Variants in PTPRS observed in about 807,000 individuals in gnomAD.
The protein encoded by PTPRS is receptor-type tyrosine-protein phosphatase S.
In PTPRS, 63 loss-of-function variants were observed where a neutral mutation model predicts 215.3. The observed-to-expected ratio is 0.29, with a 90% CI of 0.24 to 0.36. PTPRS has a LOEUF of 0.36. Among genes scored for constraint, PTPRS ranks in the 10% least tolerant of loss-of-function variants. The pLI, the probability that PTPRS is intolerant of heterozygous loss-of-function variation, is 1.00. For synonymous variants in PTPRS, 1,404 were observed against 1,191.4 expected, an observed-to-expected ratio of 1.18 and a Z score of -3.68; for missense variants, 2,258 against 2,825.8, an observed-to-expected ratio of 0.80 and a Z score of 4.56.
Position 5,218,549 on chromosome 19 carries a change from C to A in PTPRS, c.3936-17G>T, listed in dbSNP as rs112027042. The A allele has an allele frequency of 5.8e-5, 94 of 1,610,054 alleles. No individual in the cohort carries two copies. The East Asian group carries it at 2.0e-3, about 34-fold the overall frequency. On this transcript the variant is annotated splice_polypyrimidine_tract_variant and intron_variant, in intron 24 of 37. Transcript: ENST00000262963. Reference sequence around the variant, plus strand: ...TTGCGTTTACTTTAGGAGAAGCAAGCGGAACAGTCCAGTTAGTAGTGGCAC... The same window carrying A: ...TTGCGTTTACTTTAGGAGAAGCAAGAGGAACAGTCCAGTTAGTAGTGGCAC...
intron 2 of PTPRS, among the ~76,000 whole-genome samples, chr19:5,275,568 G>A (rs942571541): frequency 2.0e-5 from 3 of 150,936 alleles, no homozygotes; most frequent in Non-Finnish European, 4.4e-5. Context: ...CACTTTGGGA[G>A]GCTGAGGCCG....
intron 1 of PTPRS, among the ~76,000 whole-genome samples, chr19:5,323,558 G>A (rs1240669600): frequency 6.6e-6 from 1 of 152,258 alleles, no homozygotes; most frequent in Admixed American, 6.5e-5. Context: ...AGCATTCCAG[G>A]CAGAGGGCAC....
chr19:5,331,105 G>C (rs1394855609), intron 1 of PTPRS, among the ~76,000 whole-genome samples: 1 of 134,284 alleles, frequency 7.4e-6, no homozygotes, highest in East Asian at 2.1e-4. Context: ...TGGGTCTTCA[G>C]CATAAGTCAG....
At chr19:5,335,771 C>T (rs1458644295) in intron 1 of PTPRS, among the ~76,000 whole-genome samples, 1 of 152,146 alleles carries the variant, frequency 6.6e-6, no homozygotes, top group African/African-American at 2.4e-5. Flanking sequence ...AAAATCCAGG[C>T]TCTGAACCCC....
chr19:5,257,781 C>T lies in PTPRS; in HGVS notation c.706+236G>A, dbSNP rs934656708. Among the ~76,000 whole-genome samples the T allele has an allele frequency of 2.6e-5, 4 of 152,218 alleles. No individual in the cohort carries two copies. The highest frequency in any genetic ancestry group is 4.8e-5 in the African/African-American group (2 of 41,456). ...CTGCCTCCCCAGAGCCTGCTGCCCA[C>T]GGGGCATCTCTCGCAAGGCACGAGG... is the stretch of plus-strand genomic sequence containing the variant. On this transcript the variant is annotated intron_variant, in intron 8 of 37. Transcript: ENST00000262963. The surrounding 1 kb of genome is among the most constrained non-coding windows in gnomAD (Gnocchi z 4.4).
rs1259398933 is a variant in PTPRS, at chr19:5,212,322, G to A, written c.4769+15C>T. The A allele has an allele frequency of 3.1e-6, 5 of 1,613,056 alleles. No individual in the cohort carries two copies. The highest frequency in any genetic ancestry group is 4.2e-6 in the Non-Finnish European group (5 of 1,179,518). On this transcript the variant is annotated intron_variant, in intron 31 of 37. Coordinates refer to ENST00000262963, the MANE Select transcript of PTPRS (RefSeq NM_002850.4). ...ACCGGGGGGAAGCGGATGGGGCAGA[G>A]TGGGGTGGACGTACCTGCAGTGAAC...
intron 2 of PTPRS, among the ~76,000 whole-genome samples, chr19:5,283,382 G>T (rs2048039385): frequency 6.6e-6 from 1 of 152,192 alleles, no homozygotes. Flanking sequence ...TTCGAGACCA[G>T]CCTGGCCAAT....
intron 3 of PTPRS, 114 bp from the exon 4 acceptor site, chr19:5,273,697 G>A: frequency 7.8e-7 from 1 of 1,281,592 alleles, no homozygotes; most frequent in Middle Eastern, 2.3e-4. Context: ...CATGATCCTG[G>A]GGGTGACTGG....
At chr19:5,246,901 G>GAC (rs557085221) in intron 9 of PTPRS, among the ~76,000 whole-genome samples, 12 of 151,740 alleles carry the variant, frequency 7.9e-5, no homozygotes, top group African/African-American at 2.4e-4. Flanking sequence ...GAGAGAGAGA[G>GAC]AGAAAGAGAG....
chr19:5,300,698 G>T (rs1242758542), intron 1 of PTPRS, among the ~76,000 whole-genome samples: 1 of 148,928 alleles, frequency 6.7e-6, no homozygotes, highest in Non-Finnish European at 1.5e-5. Context: ...AGCCCAAGAG[G>T]CAGAGGTTGC....
At chr19:5,276,627 G>A (rs2047391362) in intron 2 of PTPRS, among the ~76,000 whole-genome samples, 1 of 151,576 alleles carries the variant, frequency 6.6e-6, no homozygotes, top group Admixed American at 6.6e-5. Context: ...TTCAAGCTCC[G>A]CCTCCCAGGT....
chr19:5,290,416 C>T (rs984724403), intron 1 of PTPRS, among the ~76,000 whole-genome samples: 6 of 152,218 alleles, frequency 3.9e-5, no homozygotes, highest in Admixed American at 1.3e-4. Context: ...TGGGGGCTCC[C>T]CCGCGGTGCT....
chr19:5,252,873 C>CAAAAAAA (rs769636796), intron 9 of PTPRS, among the ~76,000 whole-genome samples: 22 of 45,616 alleles, frequency 4.8e-4, no homozygotes, highest in Admixed American at 1.2e-3. Context: ...AACTCCATCT[C>CAAAAAAA]AAAAAAAAAA....
chr19:5,303,954 A>AAAAAAAAAAAAAATAATAATAATAAT, intron 1 of PTPRS, among the ~76,000 whole-genome samples: 20 of 132,252 alleles, frequency 1.5e-4, no homozygotes, highest in African/African-American at 6.1e-4. Context: ...CTGTCTCAAA[A>AAAAAAAAAAAAAATAATAATAATAAT]AATAATAATA....
chr19:5,238,106 G>A (rs747860903), intron 13 of PTPRS, among the ~76,000 whole-genome samples: 69 of 152,302 alleles, frequency 4.5e-4, no homozygotes, highest in Non-Finnish European at 8.4e-4. Context: ...AGACCACGCC[G>A]GTGGAGGCCA....
At position 5,234,287 on chromosome 19, in the gene PTPRS, A is replaced by G. The variant is rs2043255996; in HGVS notation, c.1850-2672T>C. ...TTGGCCTCACTTGAAAATAATGCCC[A>G]TGTCTTGAGCACCTACTGTGTGCCA... On this transcript the variant is annotated intron_variant, in intron 13 of 37. Transcript: ENST00000262963. Among the ~76,000 whole-genome samples the G allele has an allele frequency of 2.0e-5, 3 of 152,312 alleles. No homozygotes were observed. The South Asian group carries it at 6.2e-4, about 32-fold the overall frequency.
At chr19:5,229,444 T>A in intron 15 of PTPRS, 47 bp downstream of exon 15, 7 of 1,372,480 alleles carry the variant, frequency 5.1e-6, no homozygotes, top group Non-Finnish European at 6.6e-6. Context: ...CAAGGGCCCG[T>A]CCCCGCCCGG....
At position 5,243,841 on chromosome 19, in the gene PTPRS, G is replaced by A; in HGVS notation, c.1570+60C>T. The A allele has an allele frequency of 2.2e-6, 3 of 1,340,530 alleles. No individual in the cohort carries two copies. In the South Asian group the frequency reaches 4.6e-5, roughly 20 times the overall value. 83.0% of individuals were successfully genotyped at this position (1,340,530 alleles called of 1,614,324 possible). A position where few individuals can be genotyped will look rare whatever the true frequency, so the allele number is the denominator to read the frequency against. On this transcript the variant is annotated intron_variant, in intron 11 of 37. Coordinates refer to ENST00000262963, the MANE Select transcript of PTPRS (RefSeq NM_002850.4). Reference sequence around the variant, plus strand: ...CAAACCGCTCTGCGGCTTCCAGGGAGCATGCAAAGAACCAAGCCGCACGGC... The same window carrying A: ...CAAACCGCTCTGCGGCTTCCAGGGAACATGCAAAGAACCAAGCCGCACGGC...
intron 11 of PTPRS, 41 bp downstream of exon 11, chr19:5,243,860 G>A (rs753639643): frequency 1.4e-5 from 20 of 1,425,130 alleles, no homozygotes; most frequent in Admixed American, 2.7e-5. Context: ...GAACCAAGCC[G>A]CACGGCCGGG....
Sources: allele counts gnomAD v4.1 joint callset (sites outside exome capture counted in the v4.1 genomes callset), GRCh38; gene constraint gnomAD v4.1.1; non-coding constraint Gnocchi (gnomAD v3.1); transcripts MANE v1.5; gene names NCBI Gene and HGNC (gene_info 2026-07-23, HGNC 2026-07-21).